The following CDIN1 variants were observed in gnomAD, a reference collection of about 807,000 sequenced individuals.
CDIN1 encodes the protein CDAN1-interacting nuclease 1.
In CDIN1, 33 loss-of-function variants were observed where a neutral mutation model predicts 45.3. The observed-to-expected ratio is 0.73, with a 90% confidence interval of 0.55 to 0.97. The LOEUF is 0.97. CDIN1 is among the 50% of genes least tolerant of loss of function. The probability of loss-of-function intolerance (pLI) is 0.00; values close to 1 mark genes in which losing one functional copy is unlikely to be tolerated. For synonymous variants in CDIN1, 118 were observed against 124.4 expected (o/e 0.95, Z 0.34); for missense variants, 303 against 339.4 (o/e 0.89, Z 0.84).
intron 7 of CDIN1, among the ~76,000 whole-genome samples, chr15:36,692,552 G>A (rs2042293757): frequency 1.3e-5 from 2 of 152,080 alleles, no homozygotes; most frequent in South Asian, 4.1e-4. Flanking sequence ...AAATTTTGTT[G>A]AATTTACGAG....
intron 10 of CDIN1, among the ~76,000 whole-genome samples, chr15:36,760,040 G>A (rs4924096): frequency 0.68 from 104,076 of 152,034 alleles, 35,803 homozygotes; most frequent in East Asian, 0.93. Flanking sequence ...ATACTGTAGA[G>A]TACTTATGTG....
At chr15:36,616,987 C>A in intron 1 of CDIN1, 2 of 641,936 alleles carry the variant, frequency 3.1e-6, no homozygotes, top group Non-Finnish European at 5.6e-6. Context: ...TTTAATATTT[C>A]AGAACAAAAA....
chr15:36,724,382 A>G (rs2043544461), intron 10 of CDIN1, among the ~76,000 whole-genome samples: 2 of 152,244 alleles, frequency 1.3e-5, no homozygotes, highest in African/African-American at 2.4e-5. Context: ...CCGACATTCA[A>G]TACATCAGTA....
chr15:36,644,092 T>C (rs1370247113), intron 1 of CDIN1, among the ~76,000 whole-genome samples, 186 bp from the exon 2 acceptor site: 1 of 152,222 alleles, frequency 6.6e-6, no homozygotes, highest in Non-Finnish European at 1.5e-5. Context: ...TTTCCTTTTT[T>C]CTCTCTCCTT....
chr15:36,804,864 G>A (rs1244019406), intron 10 of CDIN1, among the ~76,000 whole-genome samples: 3 of 151,196 alleles, frequency 2.0e-5, no homozygotes, highest in Non-Finnish European at 2.9e-5. Context: ...TAGTGGAGAC[G>A]GGGTTTCACC....
rs546909572 is a variant in CDIN1 at position 36,600,362 on chromosome 15, C to T, written c.101+20401C>T. Among the ~76,000 whole-genome samples the T allele has an allele frequency of 4.0e-4, 61 of 152,186 alleles. No homozygotes were observed. The South Asian group carries it at 9.6e-3, about 24-fold the overall frequency. ...TATGCAGTTTTCATCAGTATGAAGG[C>T]GGGGTGCAATATGGTGCCTGTAGTT... On this transcript the variant is annotated intron_variant, in intron 1 of 10. Coordinates refer to ENST00000566621, the MANE Select transcript of CDIN1 (RefSeq NM_001321759.2).
At chr15:36,722,955 TTG>T (rs5811929) in intron 10 of CDIN1, among the ~76,000 whole-genome samples, 2,567 of 60,456 alleles carry the variant, frequency 0.042, 29 homozygotes, top group Non-Finnish European at 0.058. Context: ...TTACATTCAC[TTG>T]TGTGTGTGTG....
chr15:36,597,192 A>G (rs143693890), intron 1 of CDIN1, among the ~76,000 whole-genome samples: 5 of 152,206 alleles, frequency 3.3e-5, no homozygotes, highest in African/African-American at 1.2e-4. Context: ...ATTCACTGAA[A>G]GGTTCATAAT....
intron 5 of CDIN1, among the ~76,000 whole-genome samples, chr15:36,690,502 TCA>T (rs1413961576): frequency 5.9e-5 from 9 of 152,018 alleles, no homozygotes; most frequent in Non-Finnish European, 8.8e-5. Flanking sequence ...TCTCCTGACC[TCA>T]AGATCCACCC....
At chr15:36,700,846 A>G (rs958550673) in intron 8 of CDIN1, among the ~76,000 whole-genome samples, 2 of 151,974 alleles carry the variant, frequency 1.3e-5, no homozygotes, top group African/African-American at 2.4e-5. Context: ...AGGCTGAGGC[A>G]GGAGGATCAC....
rs553710934 is a variant in CDIN1 at position 36,809,417 on chromosome 15, T to C, written c.*964T>C. 6 of 152,546 alleles carry C rather than the reference T, an allele frequency of 3.9e-5. No individual in the cohort carries two copies. In the East Asian group the frequency reaches 1.2e-3, roughly 29 times the overall value. The allele number at this position is 152,546 out of a possible 1,614,324, so 9.4% of individuals were successfully genotyped here. ...AGCATTAGAAATGTTTAGCTTTGTA[T>C]GAACTGAGTGTGCCAGAAATAAACC... On this transcript the variant is annotated 3_prime_UTR_variant, in exon 11 of 11. Transcript: ENST00000566621.
chr15:36,747,264 G>T (rs1197698123), intron 10 of CDIN1: 2 of 333,414 alleles, frequency 6.0e-6, no homozygotes, highest in Non-Finnish European at 1.1e-5. Flanking sequence ...ACATTTCTGG[G>T]TGACAAAATA....
chr15:36,627,680 G>C (rs1180503953), intron 1 of CDIN1: 1 of 152,344 alleles, frequency 6.6e-6, no homozygotes, highest in Non-Finnish European at 1.5e-5. Context: ...CCGATCTACA[G>C]GGTCCACTCG....
At chr15:36,593,666 G>A (rs1595715982) in intron 1 of CDIN1, among the ~76,000 whole-genome samples, 1 of 152,182 alleles carries the variant, frequency 6.6e-6, no homozygotes, top group African/African-American at 2.4e-5. Flanking sequence ...TGGGTTCACA[G>A]CATTCTCCTG....
intron 5 of CDIN1, among the ~76,000 whole-genome samples, chr15:36,683,637 G>C (rs2041934119): frequency 5.6e-5 from 1 of 18,004 alleles, no homozygotes; most frequent in African/African-American, 2.2e-4. Context: ...AGCTTGATGG[G>C]GATGGCATTG....
chr15:36,760,317 T>C (rs1174282698), intron 10 of CDIN1, among the ~76,000 whole-genome samples: 2 of 152,186 alleles, frequency 1.3e-5, no homozygotes, highest in Non-Finnish European at 2.9e-5. Context: ...TATAAATGCA[T>C]AAAGCTGTGG....
chr15:36,760,516 G>A (rs2053730938), intron 10 of CDIN1, among the ~76,000 whole-genome samples: 1 of 152,144 alleles, frequency 6.6e-6, no homozygotes, highest in Non-Finnish European at 1.5e-5. Context: ...CCAGTTCTTA[G>A]GAACTTTTAA....
chr15:36,655,814 G>A (rs1457134832), intron 4 of CDIN1, among the ~76,000 whole-genome samples: 2 of 152,124 alleles, frequency 1.3e-5, no homozygotes, highest in African/African-American at 4.8e-5. Flanking sequence ...CTATATAGAT[G>A]ATGATGTTGA....
chr15:36,730,587 G>C (rs1222920404), intron 10 of CDIN1, among the ~76,000 whole-genome samples: 1 of 152,070 alleles, frequency 6.6e-6, no homozygotes, highest in African/African-American at 2.4e-5. Flanking sequence ...TTACATGAAA[G>C]TTAAGCTATA....
Sources: allele counts gnomAD v4.1 joint callset (sites outside exome capture counted in the v4.1 genomes callset), GRCh38; gene constraint gnomAD v4.1.1; transcripts MANE v1.5; gene names NCBI Gene and HGNC (gene_info 2026-07-23, HGNC 2026-07-21).